ACE: variants seen among roughly 807,000 people sequenced by gnomAD.
ACE encodes the protein angiotensin-converting enzyme.
Under a neutral mutation model 162.3 loss-of-function variants are expected in ACE, and 122 were observed. The ratio of observed to expected loss-of-function variants is 0.75; its 90% CI spans 0.65 to 0.87. The LOEUF is 0.87. ACE is among the 40% of genes least tolerant of loss of function. The probability of loss-of-function intolerance (pLI) is 0.00; values close to 1 mark genes in which losing one functional copy is unlikely to be tolerated. For missense variants in ACE, 1,799 were observed against 1,735.1 expected, an observed-to-expected ratio of 1.04 and a Z score of -0.65; for synonymous variants, 796 against 720.6, an observed-to-expected ratio of 1.10 and a Z score of -1.68.
chr17:63,490,792 C>G, intron 17 of ACE, 162 bp from the exon 18 acceptor site: 1 of 718,224 alleles, frequency 1.4e-6, no homozygotes, highest in Non-Finnish European at 2.5e-6. Flanking sequence ...GATATGCACA[C>G]CAAAGATGAT....
At chr17:63,478,828 G>T in intron 2 of ACE, 179 bp from the exon 3 acceptor site, 1 of 655,856 alleles carries the variant, frequency 1.5e-6, no homozygotes. Flanking sequence ...CCACTGGCAG[G>T]GGACTCAGAA....
intron 14 of ACE, 128 bp from the exon 15 acceptor site, chr17:63,486,858 C>G (rs1258969845): frequency 1.4e-6 from 2 of 1,466,204 alleles, no homozygotes; most frequent in African/African-American, 2.8e-5. Flanking sequence ...CTCAGAACTG[C>G]TGAGAGGGCA....
chr17:63,483,659 T>A, intron 10 of ACE, 101 bp downstream of exon 10: 1 of 1,365,412 alleles, frequency 7.3e-7, no homozygotes, highest in Non-Finnish European at 1.0e-6. Flanking sequence ...CTTGTCCCCA[T>A]GCTCCTCCAG....
chr17:63,481,945 T>C (rs887157250), intron 7 of ACE, among the ~76,000 whole-genome samples: 1 of 152,166 alleles, frequency 6.6e-6, no homozygotes, highest in African/African-American at 2.4e-5. Context: ...TAGTCACTTC[T>C]ATACCTTGGA....
Position 63,477,306 on chromosome 17 carries a change from A to C in ACE, c.212A>C (p.His71Pro). ...CAGAGCGTGGCCGCCAGCTGGGCGC[A>C]CGACACCAACATCACCGCGGAGAAT... ...LFQSVAASWA[H>P]DTNITAENAR... Residue 71 changes from histidine (H) to proline (P), a missense_variant, in exon 1 of 25, where the codon CAC (histidine) becomes CCC (proline). His to Pro is a moderately conservative substitution (Grantham distance 77). Transcript: ENST00000290866. 1 of 1,425,438 alleles carries C rather than the reference A, an allele frequency of 7.0e-7. No individual in the cohort carries two copies. Among genetic ancestry groups the C allele is most frequent in the Non-Finnish European group, 9.2e-7 (1 of 1,081,990 alleles). The allele number at this position is 1,425,438 out of a possible 1,614,324, so 88.3% of individuals were successfully genotyped here.
chr17:63,477,360 G>A lies in ACE; in HGVS notation c.249+17G>A. On this transcript the variant is annotated intron_variant, in intron 1 of 24. Coordinates refer to ENST00000290866, the MANE Select transcript of ACE (RefSeq NM_000789.4). ...AGGCGCCAGGTGGGCGCCCGGGCCC[G>A]GGCGGGGGCGGGGCGGGGCCGCGGC... The A allele has an allele frequency of 7.9e-7, 1 of 1,261,162 alleles. No individual in the cohort carries two copies. The highest frequency in any genetic ancestry group is 1.0e-6 in the Non-Finnish European group (1 of 998,176). 78.1% of individuals were successfully genotyped at this position (1,261,162 alleles called of 1,614,324 possible).
At chr17:63,482,773 C>T in intron 8 of ACE, 84 bp downstream of exon 8, 1 of 1,428,908 alleles carries the variant, frequency 7.0e-7, no homozygotes, top group Non-Finnish European at 9.7e-7. Context: ...CCCCACTCAG[C>T]TCTGCCCTTC....
rs1004559158 is a variant in ACE, at chr17:63,482,707, G to A, written c.1342+18G>A. 2 of 1,610,522 alleles carry A rather than the reference G, an allele frequency of 1.2e-6. No homozygotes were observed. The highest frequency in any genetic ancestry group is 1.7e-6 in the Non-Finnish European group (2 of 1,177,564). On this transcript the variant is annotated intron_variant, in intron 8 of 24. Coordinates refer to ENST00000290866, the MANE Select transcript of ACE (RefSeq NM_000789.4). ...TGACACGGGTATGGGAGGGCTGAGA[G>A]GCCCCCACCCAGCCTCACCTAAACC...
Position 63,483,567 on chromosome 17 carries a change from G to GCGGGGGGGGGCGGGCCCCCCCCCCCCC in ACE, c.1586+10_1586+11insGGGGGGGGGCGGGCCCCCCCCCCCCCC. The GCGGGGGGGGGCGGGCCCCCCCCCCCCC allele has an allele frequency of 6.3e-7, 1 of 1,589,582 alleles. No homozygotes were observed. The highest frequency in any genetic ancestry group is 8.6e-7 in the Non-Finnish European group (1 of 1,165,688). ...GTGACACCATACATCAGGTATTAGC[G>GCGGGGGGGGGCGGGCCCCCCCCCCCCC]CCCCCACCCCACCCACCCCCAGTAC... On this transcript the variant is annotated intron_variant, in intron 10 of 24. Transcript: ENST00000290866.
intron 21 of ACE, 112 bp downstream of exon 21, chr17:63,494,178 T>C (rs1284571936): frequency 2.1e-6 from 3 of 1,420,528 alleles, no homozygotes; most frequent in African/African-American, 2.8e-5. Flanking sequence ...GTGTACACTA[T>C]TGTGTCTGTG....
In ACE at chr17:63,496,575, A is replaced by AG. The variant is rs2030747850; in HGVS notation, c.3503+63dup. 1.9e-6 allele frequency: 3 copies of AG among 1,612,258 alleles called. No homozygotes were observed. The Admixed American group carries it at 5.0e-5, about 27-fold the overall frequency. On this transcript the variant is annotated intron_variant, in intron 23 of 24. Transcript: ENST00000290866. ...CTCTGGCCTGCGCCCCTGGGCCTTG[A>AG]GGGGTCTGTCCACTGGAGCTTTTGT...
At chr17:63,490,932 C>T (rs761511236) in intron 17 of ACE, 22 bp from the exon 18 acceptor site, 35 of 1,610,690 alleles carry the variant, frequency 2.2e-5, no homozygotes, top group Non-Finnish European at 2.6e-5. Context: ...CTCTCTCTGC[C>T]GTCCCCCACA....
intron 2 of ACE, chr17:63,478,716 G>C (rs181487222): frequency 2.0e-6 from 1 of 491,138 alleles, no homozygotes; most frequent in African/African-American, 1.9e-5. Flanking sequence ...ACCAAAGCCA[G>C]AGAATGGGAG....
chr17:63,482,371 C>T lies in ACE; in HGVS notation c.1119-95C>T, dbSNP rs1009378058. ...TCATGCCCCAGGGCAGCTCCCTCCT[C>T]ATTCCTGTCTTTCAGGTGCCAATCT... On this transcript the variant is annotated intron_variant, in intron 7 of 24. Coordinates refer to ENST00000290866, the MANE Select transcript of ACE (RefSeq NM_000789.4). 5 of 1,132,708 alleles carry T rather than the reference C, an allele frequency of 4.4e-6. No individual in the cohort carries two copies. The East Asian group carries it at 7.6e-5, about 17-fold the overall frequency. 70.2% of individuals were successfully genotyped at this position (1,132,708 alleles called of 1,614,324 possible).
rs1198303493 is a variant in ACE, at chr17:63,484,369, G to C, written c.1749G>C (p.Glu583Asp). 6.2e-7 allele frequency: 1 copy of C among 1,611,666 alleles called. No homozygotes were observed. The highest frequency in any genetic ancestry group is 1.1e-5 in the South Asian group (1 of 90,900). ...LQAGSSRPWQ[E>D]VLKDMVGLDA... is the part of the protein sequence containing the mutation. ...CTGGCTCCTCCAGGCCCTGGCAGGA[G>C]GTGCTGAAGGACATGGTCGGCTTAG... The change falls in exon 12 of 25, where the codon GAG (glutamate) becomes GAC (aspartate). Residue 583 changes from glutamate to aspartate, a missense_variant. Transcript: ENST00000290866. The surrounding 1 kb of genome is among the most constrained non-coding windows in gnomAD (Gnocchi z 4.0).
At chr17:63,481,815 G>A in intron 7 of ACE, 77 bp downstream of exon 7, 3 of 1,597,652 alleles carry the variant, frequency 1.9e-6, no homozygotes, top group Non-Finnish European at 2.6e-6. Context: ...CCAGGCGCAG[G>A]GAAGCTGGTT....
chr17:63,480,650 A>G, intron 5 of ACE, 122 bp downstream of exon 5: 1 of 1,095,322 alleles, frequency 9.1e-7, no homozygotes, highest in Non-Finnish European at 1.4e-6. Context: ...TGTGTGGGGC[A>G]TCATACTGTT....
chr17:63,493,743 G>C, intron 20 of ACE, 84 bp downstream of exon 20: 1 of 1,530,354 alleles, frequency 6.5e-7, no homozygotes, highest in Non-Finnish European at 8.9e-7. Flanking sequence ...GCACTTAGTG[G>C]CCCATGGGCA....
chr17:63,493,235 G>A (rs1274724105), intron 19 of ACE, among the ~76,000 whole-genome samples: 2 of 152,188 alleles, frequency 1.3e-5, no homozygotes, highest in Admixed American at 6.5e-5. Context: ...TGAACGGCCC[G>A]ATGCTAGGGG....
Sources: gnomAD v4.1 joint callset for allele counts (sites outside exome capture counted in the v4.1 genomes callset) on GRCh38, gnomAD v4.1.1 for gene constraint, Gnocchi (gnomAD v3.1) non-coding constraint, MANE v1.5 for transcripts, NCBI Gene and HGNC (gene_info 2026-07-23, HGNC 2026-07-21) for gene names.